The following COQ3 variants were observed in gnomAD, a reference collection of about 807,000 sequenced individuals.
COQ3 encodes the protein coenzyme Q3, methyltransferase, also known as ubiquinone biosynthesis O-methyltransferase, mitochondrial.
In COQ3, 29 loss-of-function variants were observed where a neutral mutation model predicts 33.1. The observed-to-expected ratio is 0.88, with a 90% CI of 0.65 to 1.19. The LOEUF (loss-of-function observed/expected upper bound fraction) is 1.19. Among genes scored for constraint, COQ3 ranks in the 50% most tolerant of loss-of-function variants. COQ3 has a pLI of 0.00. For synonymous variants in COQ3, 173 were observed against 157.8 expected, an observed-to-expected ratio of 1.10 and a Z score of -0.72; for missense variants, 437 against 430.7, an observed-to-expected ratio of 1.01 and a Z score of -0.13.
In COQ3 at chr6:99,380,255, C is replaced by A. The variant is rs775236131; in HGVS notation, c.320G>T (p.Trp107Leu). The A allele has an allele frequency of 6.2e-6, 10 of 1,613,934 alleles. No homozygotes were observed. In the African/African-American group the frequency reaches 1.2e-4, roughly 19 times the overall value. ...TGCATATACTCCTTGTTCATCCCAC[C>A]ATTTGTGAGCCAGGGCCAAGAAGGT... is the stretch of plus-strand genomic sequence containing the variant. ...VKTFLALAHK[W>L]WDEQGVYAPL... Residue 107 changes from tryptophan to leucine, a missense_variant, in exon 3 of 7, where the codon TGG becomes TTG. Coordinates refer to ENST00000254759, the MANE Select transcript of COQ3 (RefSeq NM_017421.4).
Position 99,376,077 on chromosome 6 carries a change from T to C in COQ3, c.592A>G (p.Ile198Val), listed in dbSNP as rs778803496. The C allele has an allele frequency of 1.9e-6, 3 of 1,614,170 alleles. No individual in the cohort carries two copies. In the East Asian group the frequency reaches 6.7e-5, roughly 36 times the overall value. ...KSFDPVLDKR[I>V]EYRVCSLEEI... Reference sequence around the variant, plus strand: ...TCCAGGGAACACACTCTGTACTCTATTCTCTTATCCAGGACTGGATCAAAT... The same window carrying C: ...TCCAGGGAACACACTCTGTACTCTACTCTCTTATCCAGGACTGGATCAAAT... The change falls in exon 5 of 7, where the codon ATA becomes GTA. Residue 198 changes from isoleucine to valine, a missense_variant. Transcript: ENST00000254759.
At chr6:99,389,888 C>T (rs141606506) in intron 1 of COQ3, among the ~76,000 whole-genome samples, 2 of 152,070 alleles carry the variant, frequency 1.3e-5, no homozygotes, top group Non-Finnish European at 2.9e-5. Flanking sequence ...CTGAGGTGGG[C>T]GGATCACTTG....
At chr6:99,390,459 G>A (rs6916836) in intron 1 of COQ3, among the ~76,000 whole-genome samples, 145,800 of 151,518 alleles carry the variant, frequency 0.96, 70,387 homozygotes, top group East Asian at 1. Context: ...TCAGCCTCCC[G>A]AGTAGCTGGG....
Position 99,369,586 on chromosome 6 carries a change from T to G in COQ3, c.*14A>C, listed in dbSNP as rs746298605. ...AGATATCCAAGCCATATTACTATAG[T>G]TCTCAGAAACAATTCATTTCTTCAG... On this transcript the variant is annotated 3_prime_UTR_variant, in exon 7 of 7. Transcript: ENST00000254759. The G allele has an allele frequency of 6.3e-7, 1 of 1,577,284 alleles. No individual in the cohort carries two copies. Among genetic ancestry groups the G allele is most frequent in the Non-Finnish European group, 8.7e-7 (1 of 1,147,156 alleles).
intron 3 of COQ3, among the ~76,000 whole-genome samples, chr6:99,378,027 A>G (rs1362106486): frequency 6.7e-6 from 1 of 149,346 alleles, no homozygotes; most frequent in Non-Finnish European, 1.5e-5. Context: ...ATCACGGTTA[A>G]TACTTTACCT....
chr6:99,392,822 C>A (rs1298283258), intron 1 of COQ3, among the ~76,000 whole-genome samples: 1 of 152,144 alleles, frequency 6.6e-6, no homozygotes, highest in African/African-American at 2.4e-5. Context: ...AGGGTTTCAC[C>A]ATGTTGGCCA....
In COQ3 at chr6:99,372,712, G is replaced by A. The variant is rs548850411; in HGVS notation, c.730-1125C>T. Among the ~76,000 whole-genome samples, 39 of 152,182 alleles carry A rather than the reference G, an allele frequency of 2.6e-4. No individual in the cohort carries two copies. The South Asian group carries it at 7.9e-3, about 31-fold the overall frequency. On this transcript the variant is annotated intron_variant, in intron 5 of 6. Coordinates refer to ENST00000254759, the MANE Select transcript of COQ3 (RefSeq NM_017421.4). Reference sequence around the variant, plus strand: ...ATTACAGGCATGAGCCACTGCACCCGGCCTCAGTCTGTCATTTTATAGTAA... The same window carrying A: ...ATTACAGGCATGAGCCACTGCACCCAGCCTCAGTCTGTCATTTTATAGTAA...
chr6:99,394,078 C>T lies in COQ3; in HGVS notation c.102G>A (p.Ser34=). 2 of 1,613,290 alleles carry T rather than the reference C, an allele frequency of 1.2e-6. No homozygotes were observed. Among genetic ancestry groups the T allele is most frequent in the South Asian group, 2.2e-5 (2 of 91,058 alleles). Residue 34 remains serine, a synonymous_variant, in exon 1 of 7, where the codon TCG becomes TCA. Coordinates refer to ENST00000254759, the MANE Select transcript of COQ3 (RefSeq NM_017421.4). The part of the protein sequence containing the change: ...NTKAARPLIS[S]AVYVKNQLSG... ...GACCTCCGCACACACACTCACCCGC[C>T]GAGGAAATTAAGGGACGCGCAGCTT...
chr6:99,389,273 G>A (rs1582733085), intron 1 of COQ3, among the ~76,000 whole-genome samples: 3 of 151,920 alleles, frequency 2.0e-5, no homozygotes, highest in Non-Finnish European at 2.9e-5. Context: ...AGGTGCACAC[G>A]CCACCATGCC....
chr6:99,384,684 T>C (rs1353047359), intron 1 of COQ3, among the ~76,000 whole-genome samples: 1 of 152,172 alleles, frequency 6.6e-6, no homozygotes, highest in Non-Finnish European at 1.5e-5. Flanking sequence ...AGCAGCTGTG[T>C]TGCAGAACAC....
chr6:99,371,897 A>G (rs1323004228), intron 5 of COQ3, among the ~76,000 whole-genome samples: 1 of 152,172 alleles, frequency 6.6e-6, no homozygotes, highest in East Asian at 1.9e-4. Flanking sequence ...TAAAAATGAG[A>G]TCAGGCTGCT....
rs1774061197 is a variant in COQ3, at chr6:99,369,527, G to A, written c.*73C>T. ...CTTTTCTTCATGATTCTCTCTCAAA[G>A]GATAAATTGTACATTTTTGTATTTG... On this transcript the variant is annotated 3_prime_UTR_variant, in exon 7 of 7. Coordinates refer to ENST00000254759, the MANE Select transcript of COQ3 (RefSeq NM_017421.4). The A allele has an allele frequency of 2.7e-6, 3 of 1,115,968 alleles. No homozygotes were observed. The highest frequency in any genetic ancestry group is 3.8e-6 in the Non-Finnish European group (3 of 791,750). 69.1% of individuals were successfully genotyped at this position (1,115,968 alleles called of 1,614,324 possible). A position where few individuals can be genotyped will look rare whatever the true frequency, so the allele number is the denominator to read the frequency against.
chr6:99,373,729 C>T (rs986228406), intron 5 of COQ3, among the ~76,000 whole-genome samples: 21 of 152,156 alleles, frequency 1.4e-4, no homozygotes, highest in Non-Finnish European at 2.2e-4. Flanking sequence ...CAGTAGCTCA[C>T]GCCTGTAATC....
At chr6:99,391,189 C>A (rs1774818711) in intron 1 of COQ3, among the ~76,000 whole-genome samples, 1 of 151,734 alleles carries the variant, frequency 6.6e-6, no homozygotes, top group Admixed American at 6.6e-5. Context: ...GCCTCTACCT[C>A]CTGGGCTCAA....
At chr6:99,380,368 C>T (rs1774436764) in intron 2 of COQ3, 27 bp from the exon 3 acceptor site, 4 of 1,609,184 alleles carry the variant, frequency 2.5e-6, no homozygotes, top group Non-Finnish European at 3.4e-6. Context: ...AAGAACCAAG[C>T]AAATACTGCT....
intron 2 of COQ3, among the ~76,000 whole-genome samples, chr6:99,381,553 C>CTTCCT (rs1774472426): frequency 6.6e-6 from 1 of 152,184 alleles, no homozygotes; most frequent in Non-Finnish European, 1.5e-5. Flanking sequence ...TTCCCACATC[C>CTTCCT]TTCCTTTCCT....
intron 1 of COQ3, among the ~76,000 whole-genome samples, chr6:99,388,105 G>A (rs112582377): frequency 2.0e-5 from 3 of 151,718 alleles, no homozygotes; most frequent in African/African-American, 7.3e-5. Flanking sequence ...CGGAGGTTGC[G>A]GTGAGCAGAG....
chr6:99,391,817 G>A (rs1050149435), intron 1 of COQ3, among the ~76,000 whole-genome samples: 2 of 152,072 alleles, frequency 1.3e-5, no homozygotes, highest in African/African-American at 4.8e-5. Context: ...TGGACAATGT[G>A]GTGAAACCCC....
Position 99,383,744 on chromosome 6 carries a change from A to G in COQ3, c.187T>C (p.Ser63Pro), listed in dbSNP as rs772662627. The G allele has an allele frequency of 1.4e-5, 23 of 1,606,510 alleles. No individual in the cohort carries two copies. Among genetic ancestry groups the G allele is most frequent in the Middle Eastern group, 1.6e-4 (1 of 6,066 alleles). ...AAACAGGAAAAGATCGTCCTGTAGGATTTGAACCATATGGTTCTGTATTCA... is the reference window on the plus strand; with the variant it reads ...AAACAGGAAAAGATCGTCCTGTAGGGTTTGAACCATATGGTTCTGTATTCA... ...FNEYRTIWFK[S>P]YRTIFSCLNR... Residue 63 changes from serine to proline, a missense_variant, in exon 2 of 7, where the codon TCC (serine) becomes CCC (proline). Transcript: ENST00000254759.
Sources: allele counts gnomAD v4.1 joint callset (sites outside exome capture counted in the v4.1 genomes callset), GRCh38; gene constraint gnomAD v4.1.1; transcripts MANE v1.5; gene names NCBI Gene and HGNC (gene_info 2026-07-23, HGNC 2026-07-21).